CASZ1: variants seen among roughly 807,000 people sequenced by gnomAD.
CASZ1 encodes the protein zinc finger protein castor homolog 1.
In CASZ1, 28 loss-of-function variants were observed where a neutral mutation model predicts 135.2. The ratio of observed to expected loss-of-function variants is 0.21; its 90% CI spans 0.15 to 0.28. The LOEUF (loss-of-function observed/expected upper bound fraction) is 0.28, where lower values mean the gene tolerates loss of function less well. CASZ1 is among the 10% of genes least tolerant of loss of function. The probability of loss-of-function intolerance (pLI) is 1.00; values close to 1 mark genes in which losing one functional copy is unlikely to be tolerated. For synonymous variants in CASZ1, 1,068 were observed against 1,073.4 expected (o/e 0.99, Z 0.10); for missense variants, 2,161 against 2,453.3 (o/e 0.88, Z 2.52).
At chr1:10,763,699 C>A (rs746740724) in intron 1 of CASZ1, among the ~76,000 whole-genome samples, 1 of 152,170 alleles carries the variant, frequency 6.6e-6, no homozygotes, top group South Asian at 2.1e-4. Flanking sequence ...GGGCAGAGAG[C>A]GGGTCCTAAT....
chr1:10,762,191 C>T lies in CASZ1; in HGVS notation c.-233-1334G>A, dbSNP rs1297825360. ...CTTCAGCATCAGCTCTGCCCTACCT[C>T]GGCTGGGGCAATGCCACCGAGACCA... On this transcript the variant is annotated intron_variant, in intron 1 of 20. Coordinates refer to ENST00000377022, the MANE Select transcript of CASZ1 (RefSeq NM_001079843.3). The surrounding 1 kb of genome is among the most constrained non-coding windows in gnomAD (Gnocchi z 4.1). Among the ~76,000 whole-genome samples, 2 of 151,092 alleles carry T rather than the reference C, an allele frequency of 1.3e-5. No homozygotes were observed. Among genetic ancestry groups the T allele is most frequent in the Non-Finnish European group, 3.0e-5 (2 of 67,680 alleles).
In CASZ1 at chr1:10,665,195, A is replaced by G; in HGVS notation, c.393T>C (p.Asp131=). Reference sequence around the variant, plus strand: ...AGGGCTCCTCCGCGTGGTCTTCCTCATCGCTGCACCCCTGGGGCTGCACCA... The same window carrying G: ...AGGGCTCCTCCGCGTGGTCTTCCTCGTCGCTGCACCCCTGGGGCTGCACCA... ...VYMVQPQGCS[D]EEDHAEEPSK... Residue 131 remains aspartate, a synonymous_variant, in exon 5 of 21, where the codon GAT becomes GAC. Coordinates refer to ENST00000377022, the MANE Select transcript of CASZ1 (RefSeq NM_001079843.3). The G allele has an allele frequency of 6.3e-7, 1 of 1,575,394 alleles. No individual in the cohort carries two copies.
At chr1:10,781,919 C>A (rs891367585) in intron 1 of CASZ1, among the ~76,000 whole-genome samples, 1 of 152,198 alleles carries the variant, frequency 6.6e-6, no homozygotes, top group African/African-American at 2.4e-5. Context: ...GGATTTGAGC[C>A]GAGGACTTTA....
chr1:10,663,758 C>A (rs532201483), intron 5 of CASZ1, among the ~76,000 whole-genome samples: 1 of 152,358 alleles, frequency 6.6e-6, no homozygotes, highest in Non-Finnish European at 1.5e-5. Context: ...CAGCGCTCAG[C>A]GCTGAGTAGG....
At chr1:10,745,110 G>T (rs1233131676) in intron 2 of CASZ1, among the ~76,000 whole-genome samples, 3 of 152,150 alleles carry the variant, frequency 2.0e-5, no homozygotes, top group Non-Finnish European at 4.4e-5. Flanking sequence ...ATCCCACAGG[G>T]CTCCTAAGTG....
At chr1:10,643,535 G>C (rs539942476) in intron 18 of CASZ1, among the ~76,000 whole-genome samples, 2 of 152,242 alleles carry the variant, frequency 1.3e-5, no homozygotes, top group Non-Finnish European at 2.9e-5. Context: ...CCTGGCAGAG[G>C]CGAGTGACAA....
rs1206960980 is a variant in CASZ1 at position 10,721,014 on chromosome 1, G to T, written c.-76-15470C>A. ...GGAGGGATTTAAGAGCAAAGCCACAGAGGGCCCTCATCCTGCCTCCTCGCC... is the reference window on the plus strand; with the variant it reads ...GGAGGGATTTAAGAGCAAAGCCACATAGGGCCCTCATCCTGCCTCCTCGCC... On this transcript the variant is annotated intron_variant, in intron 2 of 20. Transcript: ENST00000377022. The surrounding 1 kb of genome is among the most constrained non-coding windows in gnomAD (Gnocchi z 5.4). Among the ~76,000 whole-genome samples, 1 of 152,222 alleles carries T rather than the reference G, an allele frequency of 6.6e-6. No individual in the cohort carries two copies. Among genetic ancestry groups the T allele is most frequent in the Non-Finnish European group, 1.5e-5 (1 of 68,036 alleles).
At chr1:10,761,845 G>C (rs978365656) in intron 1 of CASZ1, among the ~76,000 whole-genome samples, 3 of 152,184 alleles carry the variant, frequency 2.0e-5, no homozygotes, top group African/African-American at 7.2e-5. Context: ...GAACCCAGAG[G>C]GGGTGCTCGG....
At chr1:10,790,809 T>G (rs1776216) in intron 1 of CASZ1, among the ~76,000 whole-genome samples, 1 of 152,032 alleles carries the variant, frequency 6.6e-6, no homozygotes, top group Non-Finnish European at 1.5e-5. Context: ...GGGGAGAGGA[T>G]GGTATAAATG....
chr1:10,645,129 T>G, intron 17 of CASZ1, 41 bp from the exon 18 acceptor site: 1 of 1,589,846 alleles, frequency 6.3e-7, no homozygotes. Context: ...GCGGGTGACT[T>G]TCAAGAGCTC....
intron 2 of CASZ1, among the ~76,000 whole-genome samples, chr1:10,722,349 C>T (rs2100487851): frequency 6.6e-6 from 1 of 152,318 alleles, no homozygotes; most frequent in South Asian, 2.1e-4. Flanking sequence ...GGTTCTGGTG[C>T]CACGCAGTTC....
intron 3 of CASZ1, among the ~76,000 whole-genome samples, chr1:10,696,948 T>C (rs1373861160): frequency 6.6e-6 from 1 of 152,096 alleles, no homozygotes; most frequent in Non-Finnish European, 1.5e-5. Flanking sequence ...TACAGAGGAA[T>C]GGCGGAAGGG....
rs1237030119 is a variant in CASZ1 at position 10,776,117 on chromosome 1, AACC to A, written c.-233-15263_-233-15261del. The stretch of plus-strand genomic sequence containing the variant: ...CAATTTCTTCAAATTTGCATTGTAA[AACC>A]ATCCTTCAACTTCCTTGAAATAAAT... On this transcript the variant is annotated intron_variant, in intron 1 of 20. Transcript: ENST00000377022. This position sits in a 1 kb window ranked among gnomAD's most constrained non-coding sequence, Gnocchi z 4.1. Among the ~76,000 whole-genome samples, 2 of 152,220 alleles carry A rather than the reference AACC, an allele frequency of 1.3e-5. No individual in the cohort carries two copies. Among genetic ancestry groups the A allele is most frequent in the South Asian group, 4.1e-4 (2 of 4,826 alleles).
chr1:10,792,781 C>T (rs1291997749), intron 1 of CASZ1, among the ~76,000 whole-genome samples: 4 of 149,480 alleles, frequency 2.7e-5, no homozygotes, highest in Non-Finnish European at 3.0e-5. Flanking sequence ...TCTCACATAC[C>T]AGACAGAGGT....
At position 10,699,340 on chromosome 1, in the gene CASZ1, C is replaced by T. The variant is rs781563330; in HGVS notation, c.-23-5428G>A. On this transcript the variant is annotated intron_variant, in intron 3 of 20. Transcript: ENST00000377022. The surrounding 1 kb of genome is among the most constrained non-coding windows in gnomAD (Gnocchi z 4.6). ...CTTTTAGGGAAGTGCTGGCCACAAC[C>T]CCAAACAGTAGCCCCTCCTCTTCCC... Among the ~76,000 whole-genome samples, 101 of 152,334 alleles carry T rather than the reference C, an allele frequency of 6.6e-4. No homozygotes were observed. The highest frequency in any genetic ancestry group is 1.2e-3 in the Non-Finnish European group (82 of 68,036).
chr1:10,687,099 C>T (rs1173599158), intron 4 of CASZ1, among the ~76,000 whole-genome samples: 1 of 152,180 alleles, frequency 6.6e-6, no homozygotes, highest in Non-Finnish European at 1.5e-5. Context: ...TGGGACGCCT[C>T]CTGCTCTCCC....
chr1:10,674,423 C>T (rs1643498541), intron 4 of CASZ1, among the ~76,000 whole-genome samples: 1 of 152,268 alleles, frequency 6.6e-6, no homozygotes, highest in Non-Finnish European at 1.5e-5. Context: ...CCCGGCACCG[C>T]TGCTGCGGGA....
At position 10,653,439 on chromosome 1, in the gene CASZ1, A is replaced by T. The variant is rs922904876; in HGVS notation, c.2618T>A (p.Ile873Asn). 6.2e-7 allele frequency: 1 copy of T among 1,613,240 alleles called. No homozygotes were observed. The highest frequency in any genetic ancestry group is 2.2e-5 in the East Asian group (1 of 44,884). ...AGCCAGCCTGGCCATCATGGGCGAG[A>T]TGAGGCCCTTGCTTGCAGAGATCCT... The part of the protein sequence containing the change: ...MERISASKGL[I>N]SPMMARLAAA... Residue 873 changes from isoleucine to asparagine, a missense_variant, in exon 11 of 21, where the codon ATC becomes AAC. By Grantham distance (149) the Ile-to-Asn change is moderately radical (BLOSUM62 -3). This residue lies in a region of CASZ1 where 406 missense variants were observed against 387.6 expected (regional missense o/e 1.05). Transcript: ENST00000377022.
intron 1 of CASZ1, among the ~76,000 whole-genome samples, chr1:10,787,035 A>T (rs924789136): frequency 1.3e-5 from 2 of 152,332 alleles, no homozygotes; most frequent in South Asian, 4.2e-4. Context: ...GCACTTGACA[A>T]TGCCAACCAT....
Sources: gnomAD v4.1 joint callset for allele counts (sites outside exome capture counted in the v4.1 genomes callset) on GRCh38, gnomAD v4.1.1 for gene constraint, gnomAD v4.1.1 regional missense constraint, Gnocchi (gnomAD v3.1) non-coding constraint, MANE v1.5 for transcripts, NCBI Gene and HGNC (gene_info 2026-07-23, HGNC 2026-07-21) for gene names.